Variants in C10orf53 observed in about 807,000 individuals in gnomAD.
The protein encoded by C10orf53 is chromosome 10 open reading frame 53.
A neutral mutation model predicts 9.4 loss-of-function variants in C10orf53; 8 were observed. That is an observed-to-expected ratio of 0.85 (90% CI 0.50 to 1.53). The LOEUF (loss-of-function observed/expected upper bound fraction) is 1.53, where lower values mean the gene tolerates loss of function less well. Among genes scored for constraint, C10orf53 ranks in the 40% most tolerant of loss-of-function variants. C10orf53 has a pLI of 0.00. For missense variants in C10orf53, 117 were observed against 117.8 expected (o/e 0.99, Z 0.03); for synonymous variants, 48 against 46.0 (o/e 1.04, Z -0.18).
intron 2 of C10orf53, among the ~76,000 whole-genome samples, chr10:49,703,343 T>C (rs1398960518): frequency 6.6e-6 from 1 of 152,194 alleles, no homozygotes; most frequent in African/African-American, 2.4e-5. Flanking sequence ...AGAAATTATA[T>C]CATATCAACA....
chr10:49,693,875 A>G lies in C10orf53; in HGVS notation c.199A>G (p.Ile67Val), dbSNP rs1564506315. The change falls in exon 2 of 3, where the codon ATT becomes GTT. Residue 67 changes from isoleucine (I) to valine (V), a missense_variant. Transcript: ENST00000374111. The stretch of plus-strand genomic sequence containing the variant: ...TGAAGAAGTCATCTTCCACTGCAAC[A>G]TTAAGGACTTGGAGTTCGGTAAGCC... ...VNEEVIFHCN[I>V]KDLEFGGDGK... 5.6e-6 allele frequency: 9 copies of G among 1,614,268 alleles called. No individual in the cohort carries two copies. The highest frequency in any genetic ancestry group is 7.6e-6 in the Non-Finnish European group (9 of 1,180,044).
rs1190906821 is a variant in C10orf53, at chr10:49,694,690, T to G, written c.*88T>G. The G allele has an allele frequency of 6.2e-7, 1 of 1,601,208 alleles. No homozygotes were observed. Among genetic ancestry groups the G allele is most frequent in the Non-Finnish European group, 8.5e-7 (1 of 1,173,422 alleles). On this transcript the variant is annotated 3_prime_UTR_variant, in exon 3 of 3. Transcript: ENST00000374111. Reference sequence around the variant, plus strand: ...GCAGGCAGAAGTGGCTGTGCCACGGTGTGGACACTGGGCTCTGCTAGTCAG... The same window carrying G: ...GCAGGCAGAAGTGGCTGTGCCACGGGGTGGACACTGGGCTCTGCTAGTCAG...
chr10:49,681,739 T>C (rs935319220), intron 1 of C10orf53, among the ~76,000 whole-genome samples: 3 of 152,236 alleles, frequency 2.0e-5, no homozygotes, highest in Non-Finnish European at 4.4e-5. Flanking sequence ...GGTGGGATTA[T>C]ATGGGGAGAG....
In C10orf53 at chr10:49,693,871, C is replaced by A. The variant is rs145689841; in HGVS notation, c.195C>A (p.Cys65Ter). The A allele has an allele frequency of 2.2e-3, 3,620 of 1,614,212 alleles. 8 individuals carry two copies. Among genetic ancestry groups the A allele is most frequent in the Non-Finnish European group, 2.8e-3 (3,247 of 1,180,002 alleles). ...LMVNEEVIFH[C>*]NIKDLEFGGD... ...TGAATGAAGAAGTCATCTTCCACTG[C>A]AACATTAAGGACTTGGAGTTCGGTA... The change falls in exon 2 of 3, where the codon TGC (cysteine) becomes TGA (stop). Residue 65 changes from cysteine (C) to a stop codon, truncating the protein, a stop_gained. Transcript: ENST00000374111. LOFTEE classifies it high-confidence loss of function.
At chr10:49,709,622 C>G (rs1031905657) in exon 3 of C10orf53, 1 of 152,292 alleles carries the variant, frequency 6.6e-6, no homozygotes, top group African/African-American at 2.4e-5. Context: ...CTGAGACACT[C>G]CTGTGTGGTT....
intron 1 of C10orf53, among the ~76,000 whole-genome samples, chr10:49,689,849 T>A (rs1312183495): frequency 6.6e-6 from 1 of 152,144 alleles, no homozygotes; most frequent in Non-Finnish European, 1.5e-5. Context: ...AATTTTAAAG[T>A]TTTTTTAAAA....
At chr10:49,685,808 T>C (rs184290075) in intron 1 of C10orf53, among the ~76,000 whole-genome samples, 28 of 152,372 alleles carry the variant, frequency 1.8e-4, no homozygotes, top group African/African-American at 4.6e-4. Flanking sequence ...CTTAGTATAA[T>C]ACTTTTTGAG....
chr10:49,703,738 AGGCAG>A (rs1840703457), intron 2 of C10orf53, among the ~76,000 whole-genome samples: 1 of 152,242 alleles, frequency 6.6e-6, no homozygotes, highest in South Asian at 2.1e-4. Flanking sequence ...TGGATATAAC[AGGCAG>A]ACTCATCATA....
Position 49,693,908 on chromosome 10 carries a change from G to T in C10orf53, c.217+15G>T. 1 of 1,614,212 alleles carries T rather than the reference G, an allele frequency of 6.2e-7. No homozygotes were observed. The highest frequency in any genetic ancestry group is 8.5e-7 in the Non-Finnish European group (1 of 1,180,026). ...CTTGGAGTTCGGTAAGCCCTTTGGCGATGCTTCCAGCCAGCAATTTGCCTC... is the reference window on the plus strand; with the variant it reads ...CTTGGAGTTCGGTAAGCCCTTTGGCTATGCTTCCAGCCAGCAATTTGCCTC... On this transcript the variant is annotated intron_variant, in intron 2 of 2. Coordinates refer to ENST00000374111, the MANE Select transcript of C10orf53 (RefSeq NM_001042427.3).
Position 49,685,324 on chromosome 10 carries a change from T to C in C10orf53, c.97+5530T>C, listed in dbSNP as rs1019568547. On this transcript the variant is annotated intron_variant, in intron 1 of 2. Transcript: ENST00000374111. Reference sequence around the variant, plus strand: ...TTCAACACTTTATTGTAAAATAGGCTTTGTATTAGATAATTTTGCCCAGCT... The same window carrying C: ...TTCAACACTTTATTGTAAAATAGGCCTTGTATTAGATAATTTTGCCCAGCT... 2.0e-5 allele frequency among the ~76,000 whole-genome samples: 3 copies of C among 152,324 alleles called. No homozygotes were observed. The East Asian group carries it at 5.8e-4, about 29-fold the overall frequency.
intron 2 of C10orf53, chr10:49,694,178 T>C (rs1153798): frequency 0.86 from 500,848 of 585,082 alleles, 219,029 homozygotes; most frequent in Non-Finnish European, 0.93. Flanking sequence ...TAAGGGATAA[T>C]AGGTTTTTGT....
At chr10:49,707,850 G>A (rs552916143) in intron 2 of C10orf53, among the ~76,000 whole-genome samples, 26 of 151,446 alleles carry the variant, frequency 1.7e-4, no homozygotes, top group Admixed American at 1.1e-3. Flanking sequence ...GCATCTAATA[G>A]TATCTCAGTG....
chr10:49,709,679 C>T (rs4838555), exon 3 of C10orf53: 67,825 of 152,186 alleles, frequency 0.45, 15,553 homozygotes, highest in Middle Eastern at 0.5. Context: ...AGACCCTTTA[C>T]GATCTGAGCC....
Position 49,690,036 on chromosome 10 carries a change from C to T in C10orf53, c.98-3738C>T, listed in dbSNP as rs995911735. On this transcript the variant is annotated intron_variant, in intron 1 of 2. Transcript: ENST00000374111. ...TGCGATGGTTTCCTGACCTCTGAGA[C>T]GGCAGGCTCTGGACTTGGTGAGCTG... is the stretch of plus-strand genomic sequence containing the variant. Among the ~76,000 whole-genome samples the T allele has an allele frequency of 9.2e-5, 14 of 152,184 alleles. No individual in the cohort carries two copies. In the Middle Eastern group the frequency reaches 0.01, roughly 111 times the overall value.
intron 2 of C10orf53, among the ~76,000 whole-genome samples, chr10:49,706,798 G>A (rs1240569349): frequency 6.6e-6 from 1 of 152,190 alleles, no homozygotes; most frequent in Non-Finnish European, 1.5e-5. Context: ...CAACATTAAA[G>A]GCACTGATGC....
intron 2 of C10orf53, 107 bp from the exon 3 acceptor site, chr10:49,694,431 C>A: frequency 6.9e-7 from 1 of 1,442,870 alleles, no homozygotes. Flanking sequence ...ATTTTACCAG[C>A]CCATGGCCTT....
chr10:49,694,467 A>G (rs1840614903), intron 2 of C10orf53, 71 bp from the exon 3 acceptor site: 2 of 1,593,194 alleles, frequency 1.3e-6, no homozygotes, highest in African/African-American at 2.7e-5. Flanking sequence ...GGTGGAAGCC[A>G]TAGGTATGTC....
At chr10:49,701,192 G>C (rs952307181), downstream of C10orf53, among the ~76,000 whole-genome samples, 2 of 152,102 alleles carry the variant, frequency 1.3e-5, no homozygotes, top group African/African-American at 2.4e-5. Context: ...GAGAGAGGAG[G>C]GGAGTTGAGA....
chr10:49,702,818 G>A lies in C10orf53; in HGVS notation c.218-5543G>A, dbSNP rs575264557. Among the ~76,000 whole-genome samples the A allele has an allele frequency of 1.2e-4, 19 of 152,198 alleles. 1 individual carries two copies. The highest frequency in any genetic ancestry group is 3.6e-4 in the African/African-American group (15 of 41,512). Reference sequence around the variant, plus strand: ...AATACAGAAGTCAAGAGTTGAGGCCGCTCCTCAGTCCCAGAGACCCTGACT... The same window carrying A: ...AATACAGAAGTCAAGAGTTGAGGCCACTCCTCAGTCCCAGAGACCCTGACT... On this transcript the variant is annotated intron_variant, in intron 2 of 2. Transcript: ENST00000374112.
Sources: gnomAD v4.1 joint callset for allele counts (sites outside exome capture counted in the v4.1 genomes callset) on GRCh38, gnomAD v4.1.1 for gene constraint, MANE v1.5 for transcripts, NCBI Gene and HGNC (gene_info 2026-07-23, HGNC 2026-07-21) for gene names.